DOK5: variants seen among roughly 807,000 people sequenced by gnomAD.
DOK5 encodes the protein downstream of tyrosine kinase 5.
Under a neutral mutation model 43.3 loss-of-function variants are expected in DOK5, and 27 were observed. That is an observed-to-expected ratio of 0.62 (90% confidence interval 0.46 to 0.86). DOK5 has a LOEUF of 0.86. Ranked by LOEUF, DOK5 falls within the 40% of genes least tolerant of loss-of-function variation. DOK5 has a pLI of 0.00. For missense variants in DOK5, 373 were observed against 392.9 expected (o/e 0.95, Z 0.43); for synonymous variants, 146 against 140.1 (o/e 1.04, Z -0.30).
chr20:54,547,043 G>A (rs750451062), intron 1 of DOK5, among the ~76,000 whole-genome samples: 1 of 152,150 alleles, frequency 6.6e-6, no homozygotes, highest in Non-Finnish European at 1.5e-5. Flanking sequence ...AGATTTCTAT[G>A]AGATCTGAGC....
chr20:54,638,621 G>T (rs1978953293), intron 6 of DOK5, among the ~76,000 whole-genome samples: 1 of 152,104 alleles, frequency 6.6e-6, no homozygotes, highest in Non-Finnish European at 1.5e-5. Context: ...AACAAAATGG[G>T]TTATTTGTAA....
At position 54,603,940 on chromosome 20, in the gene DOK5, A is replaced by ATTTTTTTT. The variant is rs35690531; in HGVS notation, c.600-6431_600-6424dup. Among the ~76,000 whole-genome samples the ATTTTTTTT allele has an allele frequency of 1.8e-4, 14 of 76,270 alleles. 1 individual carries two copies. The highest frequency in any genetic ancestry group is 2.9e-4 in the African/African-American group (5 of 17,460). The allele number at this position is 76,270 out of a possible 152,430, so 50.0% of individuals were successfully genotyped here. A position where few individuals can be genotyped will look rare whatever the true frequency, so the allele number is the denominator to read the frequency against. ...ATTGTACTCCACTTGTTCAAACTGT[A>ATTTTTTTT]TTTTTTTTTTTTTTTTTTTTTTTTG... On this transcript the variant is annotated intron_variant, in intron 5 of 7. Coordinates refer to ENST00000262593, the MANE Select transcript of DOK5 (RefSeq NM_018431.5).
chr20:54,526,616 T>A (rs1983583919), intron 1 of DOK5, among the ~76,000 whole-genome samples: 2 of 152,236 alleles, frequency 1.3e-5, no homozygotes, highest in South Asian at 4.2e-4. Flanking sequence ...ACCCCAAAAT[T>A]TAAGAACACA....
intron 5 of DOK5, among the ~76,000 whole-genome samples, chr20:54,597,865 T>G (rs1343652535): frequency 1.3e-5 from 2 of 152,268 alleles, no homozygotes; most frequent in East Asian, 3.8e-4. Context: ...CAAAGCTTGC[T>G]AAATCCATTT....
At chr20:54,567,923 T>C (rs926286948) in intron 2 of DOK5, among the ~76,000 whole-genome samples, 4 of 152,220 alleles carry the variant, frequency 2.6e-5, no homozygotes, top group African/African-American at 9.6e-5. Context: ...GATTATTTCA[T>C]TTAATTTGTA....
At chr20:54,532,429 A>G (rs552440195) in intron 1 of DOK5, among the ~76,000 whole-genome samples, 1 of 152,314 alleles carries the variant, frequency 6.6e-6, no homozygotes, top group South Asian at 2.1e-4. Flanking sequence ...TACATAAAAG[A>G]TAAGTAGCCA....
chr20:54,484,303 C>T (rs1023378314), intron 1 of DOK5, among the ~76,000 whole-genome samples: 4 of 151,502 alleles, frequency 2.6e-5, no homozygotes, highest in East Asian at 1.9e-4. Flanking sequence ...CCCTTGAACC[C>T]AGGAGGTGGA....
chr20:54,561,781 C>T (rs1984915363), intron 2 of DOK5, among the ~76,000 whole-genome samples: 1 of 152,178 alleles, frequency 6.6e-6, no homozygotes, highest in African/African-American at 2.4e-5. Context: ...TCAGCCTTCC[C>T]AAGTAGCTGG....
At chr20:54,518,680 G>A (rs1983287028) in intron 1 of DOK5, among the ~76,000 whole-genome samples, 1 of 152,096 alleles carries the variant, frequency 6.6e-6, no homozygotes, top group Non-Finnish European at 1.5e-5. Context: ...TCTAGTTCTA[G>A]ATCCCTGAGG....
intron 5 of DOK5, among the ~76,000 whole-genome samples, chr20:54,605,132 C>T (rs889385555): frequency 3.4e-5 from 5 of 147,882 alleles, no homozygotes; most frequent in Non-Finnish European, 7.5e-5. Context: ...CACACAAACA[C>T]ACACAGAGAG....
chr20:54,537,861 CAG>C (rs1199254340), intron 1 of DOK5, among the ~76,000 whole-genome samples: 1 of 107,370 alleles, frequency 9.3e-6, no homozygotes, highest in Admixed American at 1.3e-4. Flanking sequence ...TTTTTTGAGA[CAG>C]AGTCTCACTC....
At chr20:54,617,497 AT>A (rs112942980) in intron 6 of DOK5, among the ~76,000 whole-genome samples, 6 of 151,906 alleles carry the variant, frequency 3.9e-5, no homozygotes, top group African/African-American at 1.4e-4. Flanking sequence ...TTTATTATTT[AT>A]TTTTTGTAGA....
intron 6 of DOK5, among the ~76,000 whole-genome samples, chr20:54,618,268 A>G (rs1022066614): frequency 6.6e-6 from 1 of 152,120 alleles, no homozygotes; most frequent in African/African-American, 2.4e-5. Context: ...ACCTCTGGCC[A>G]TGATGCCTCA....
chr20:54,517,776 A>G (rs188207297), intron 1 of DOK5, among the ~76,000 whole-genome samples: 2 of 152,252 alleles, frequency 1.3e-5, no homozygotes, highest in East Asian at 3.9e-4. Context: ...CACAAATAGG[A>G]GTAGTGCTTT....
chr20:54,536,476 G>A (rs573492376), intron 1 of DOK5, among the ~76,000 whole-genome samples: 1 of 152,290 alleles, frequency 6.6e-6, no homozygotes, highest in African/African-American at 2.4e-5. Flanking sequence ...AGACTATAAA[G>A]CTGGGACATT....
intron 1 of DOK5, among the ~76,000 whole-genome samples, chr20:54,550,512 C>A (rs1001164701): frequency 2.6e-5 from 4 of 152,140 alleles, no homozygotes; most frequent in Admixed American, 2.6e-4. Context: ...CTGTTACAGC[C>A]AAATCCACAT....
intron 1 of DOK5, among the ~76,000 whole-genome samples, chr20:54,553,477 G>C (rs1044727096): frequency 6.6e-6 from 1 of 151,962 alleles, no homozygotes; most frequent in Non-Finnish European, 1.5e-5. Context: ...TTACAGGCGT[G>C]AGCCACCGCG....
intron 4 of DOK5, among the ~76,000 whole-genome samples, chr20:54,589,541 A>T (rs1434536016): frequency 6.6e-6 from 1 of 152,204 alleles, no homozygotes; most frequent in African/African-American, 2.4e-5. Flanking sequence ...ACAAACCTGG[A>T]TGTGAGGAAT....
intron 7 of DOK5, among the ~76,000 whole-genome samples, chr20:54,646,734 C>T (rs1298750309): frequency 3.3e-5 from 5 of 152,072 alleles, no homozygotes; most frequent in African/African-American, 7.2e-5. Flanking sequence ...TTTTCATACC[C>T]CTTAGAAAAA....
Sources: gnomAD v4.1 joint callset for allele counts (sites outside exome capture counted in the v4.1 genomes callset) on GRCh38, gnomAD v4.1.1 for gene constraint, MANE v1.5 for transcripts, NCBI Gene and HGNC (gene_info 2026-07-23, HGNC 2026-07-21) for gene names.